The following AQR variants were observed in gnomAD, a reference collection of about 807,000 sequenced individuals.
AQR encodes the protein RNA helicase aquarius.
A neutral mutation model predicts 180.5 loss-of-function variants in AQR; 61 were observed. That is an observed-to-expected ratio of 0.34 (90% confidence interval 0.28 to 0.42). The LOEUF is 0.42. Among genes scored for constraint, AQR ranks in the 10% least tolerant of loss-of-function variants. The pLI is 1.00. For synonymous variants in AQR, 551 were observed against 588.8 expected (o/e 0.94, Z 0.93); for missense variants, 1,281 against 1,798.3 (o/e 0.71, Z 5.20).
intron 24 of AQR, among the ~76,000 whole-genome samples, chr15:34,887,739 C>T (rs1169220880): frequency 6.6e-6 from 1 of 152,136 alleles, no homozygotes; most frequent in Non-Finnish European, 1.5e-5. Flanking sequence ...AAGAAGAAGT[C>T]ATGTTCCTAG....
At chr15:34,869,194 T>C (rs1296251241) in intron 31 of AQR, 1 of 152,198 alleles carries the variant, frequency 6.6e-6, no homozygotes, top group African/African-American at 2.4e-5. Context: ...CTTCATCATT[T>C]TACCCATTCT....
rs975077902 is a variant in AQR at position 34,852,626 on chromosome 15, A to G, written c.*4166T>C. On this transcript the variant is annotated 3_prime_UTR_variant, in exon 35 of 35. Coordinates refer to ENST00000156471, the MANE Select transcript of AQR (RefSeq NM_014691.3). ...ATAAGTTTGGGAAATGCTAGGTTAA[A>G]CAAAGCTAAACATGATTCTTTCCAG... The G allele has an allele frequency of 1.3e-5, 2 of 152,234 alleles. No individual in the cohort carries two copies. The highest frequency in any genetic ancestry group is 6.5e-5 in the Admixed American group (1 of 15,286). The allele number at this position is 152,234 out of a possible 1,614,324, so 9.4% of individuals were successfully genotyped here.
rs1440972231 is a variant in AQR, at chr15:34,860,165, G to A, written c.4030-10C>T. The stretch of plus-strand genomic sequence containing the variant: ...ATGGTCTCTCTCCATTCTAGAAGAA[G>A]GAAAAAAGAACGTTAAGTATCTAGT... On this transcript the variant is annotated splice_polypyrimidine_tract_variant and intron_variant, in intron 33 of 34. Transcript: ENST00000156471. The A allele has an allele frequency of 1.4e-6, 2 of 1,419,792 alleles. No homozygotes were observed. Among genetic ancestry groups the A allele is most frequent in the Admixed American group, 2.2e-5 (1 of 45,024 alleles). 87.9% of individuals were successfully genotyped at this position (1,419,792 alleles called of 1,614,324 possible). A position where few individuals can be genotyped will look rare whatever the true frequency, so the allele number is the denominator to read the frequency against.
At chr15:34,950,348 A>G (rs1489710917) in intron 4 of AQR, among the ~76,000 whole-genome samples, 1 of 151,984 alleles carries the variant, frequency 6.6e-6, no homozygotes, top group East Asian at 1.9e-4. Flanking sequence ...TTGGCCTCCC[A>G]AAGTGCTGGG....
In AQR at chr15:34,957,378, A is replaced by G. The variant is rs1227695151; in HGVS notation, c.173+3396T>C. Among the ~76,000 whole-genome samples the G allele has an allele frequency of 2.6e-5, 4 of 152,180 alleles. No individual in the cohort carries two copies. In the South Asian group the frequency reaches 6.2e-4, roughly 24 times the overall value. ...CACCATGTTAAATTTTTAAATACAT[A>G]CTATAGTTTATGTGTTACAGAAGTG... is the stretch of plus-strand genomic sequence containing the variant. On this transcript the variant is annotated intron_variant, in intron 3 of 34. Transcript: ENST00000156471.
chr15:34,964,503 C>T, intron 1 of AQR: 1 of 655,520 alleles, frequency 1.5e-6, no homozygotes, highest in Non-Finnish European at 2.8e-6. Flanking sequence ...TACAACATGC[C>T]ATTGTGATAT....
At chr15:34,867,826 C>A in intron 31 of AQR, 1 of 412,678 alleles carries the variant, frequency 2.4e-6, no homozygotes, top group Non-Finnish European at 4.3e-6. Context: ...ACACTTACAG[C>A]ACTTGTCTTT....
chr15:34,886,268 C>T (rs901977123), intron 25 of AQR, among the ~76,000 whole-genome samples: 2 of 151,882 alleles, frequency 1.3e-5, no homozygotes, highest in African/African-American at 4.8e-5. Context: ...TAGAACTTTG[C>T]CAATAGAAAG....
In AQR at chr15:34,917,921, T is replaced by G. The variant is rs894650753; in HGVS notation, c.1342+337A>C. Among the ~76,000 whole-genome samples the G allele has an allele frequency of 4.6e-5, 7 of 151,832 alleles. No individual in the cohort carries two copies. In the East Asian group the frequency reaches 1.4e-3, roughly 29 times the overall value. ...ATCACTTGAGCCCAGAGACTGAGGC[T>G]GCAGTGAGCTGAGACTGCACCACTG... On this transcript the variant is annotated intron_variant, in intron 15 of 34. Transcript: ENST00000156471.
At chr15:34,868,638 C>A (rs1208219579) in intron 31 of AQR, 3 of 152,130 alleles carry the variant, frequency 2.0e-5, no homozygotes, top group Non-Finnish European at 4.4e-5. Flanking sequence ...AAATGTCCAT[C>A]ATCTCAGGCC....
rs928277545 is a variant in AQR at position 34,889,763 on chromosome 15, C to T, written c.2681+452G>A. On this transcript the variant is annotated intron_variant, in intron 24 of 34. Coordinates refer to ENST00000156471, the MANE Select transcript of AQR (RefSeq NM_014691.3). Reference sequence around the variant, plus strand: ...TTGGCTCACTGCAACCTCTGCCTCCCGGGTTACAGCGATTCTCCTGCGTCA... The same window carrying T: ...TTGGCTCACTGCAACCTCTGCCTCCTGGGTTACAGCGATTCTCCTGCGTCA... Among the ~76,000 whole-genome samples the T allele has an allele frequency of 2.0e-5, 3 of 152,158 alleles. 1 individual carries two copies. The highest frequency in any genetic ancestry group is 6.8e-3 in the Middle Eastern group (2 of 294).
chr15:34,884,806 T>C (rs1893033326), intron 25 of AQR, 72 bp from the exon 26 acceptor site: 1 of 1,190,232 alleles, frequency 8.4e-7, no homozygotes. Context: ...GAATAAATCT[T>C]ATAAAAACAA....
chr15:34,875,358 C>G (rs1285598370), intron 28 of AQR, among the ~76,000 whole-genome samples: 1 of 152,052 alleles, frequency 6.6e-6, no homozygotes, highest in Non-Finnish European at 1.5e-5. Flanking sequence ...GAAACATATC[C>G]TGATAGAATA....
At chr15:34,957,897 C>T (rs942630512) in intron 3 of AQR, among the ~76,000 whole-genome samples, 2 of 151,970 alleles carry the variant, frequency 1.3e-5, no homozygotes, top group Non-Finnish European at 2.9e-5. Context: ...AAGACAGCTA[C>T]TTCTTTCAGA....
At chr15:34,951,050 T>A (rs185581303) in intron 4 of AQR, among the ~76,000 whole-genome samples, 1 of 152,318 alleles carries the variant, frequency 6.6e-6, no homozygotes, top group East Asian at 1.9e-4. Context: ...CCAAACTACA[T>A]CTCTTTTCTT....
At chr15:34,946,870 C>T (rs1312672248) in intron 5 of AQR, among the ~76,000 whole-genome samples, 12 of 148,718 alleles carry the variant, frequency 8.1e-5, no homozygotes, top group East Asian at 2.1e-4. Context: ...CCAGCCGCCC[C>T]GTCCGGGAGG....
chr15:34,892,639 T>A (rs1332554647), intron 23 of AQR, among the ~76,000 whole-genome samples: 1 of 152,150 alleles, frequency 6.6e-6, no homozygotes, highest in Non-Finnish European at 1.5e-5. Flanking sequence ...TTCCAATAAA[T>A]CTATCATAAG....
chr15:34,897,032 C>T, intron 21 of AQR, 66 bp from the exon 22 acceptor site: 1 of 1,285,048 alleles, frequency 7.8e-7, no homozygotes, highest in Non-Finnish European at 1.1e-6. Context: ...CAAATTTAGA[C>T]AACAATGACC....
At chr15:34,962,062 A>G (rs928215143) in intron 2 of AQR, among the ~76,000 whole-genome samples, 5 of 148,198 alleles carry the variant, frequency 3.4e-5, no homozygotes, top group African/African-American at 1.3e-4. Flanking sequence ...TCACTCTGTC[A>G]CCTAGGGTGG....
Sources: allele counts gnomAD v4.1 joint callset (sites outside exome capture counted in the v4.1 genomes callset), GRCh38; gene constraint gnomAD v4.1.1; transcripts MANE v1.5; gene names NCBI Gene and HGNC (gene_info 2026-07-23, HGNC 2026-07-21).